The following WDR72 variants were observed in gnomAD, a reference collection of about 807,000 sequenced individuals.
The protein encoded by WDR72 is WD repeat-containing protein 72.
Under a neutral mutation model 124.2 loss-of-function variants are expected in WDR72, and 120 were observed. That is an observed-to-expected ratio of 0.97 (90% CI 0.83 to 1.12). WDR72 has a LOEUF of 1.12. Ranked by LOEUF, WDR72 falls within the 50% of genes most tolerant of loss-of-function variation. WDR72 has a pLI of 0.00. For synonymous variants in WDR72, 452 were observed against 441.7 expected (o/e 1.02, Z -0.29); for missense variants, 1,387 against 1,278.8 (o/e 1.08, Z -1.29).
In WDR72 at chr15:53,571,121, T is replaced by C. The variant is rs138195711; in HGVS notation, c.3148+25958A>G. 3.6e-4 allele frequency among the ~76,000 whole-genome samples: 55 copies of C among 151,946 alleles called. No individual in the cohort carries two copies. In the East Asian group the frequency reaches 9.3e-3, roughly 26 times the overall value. ...CACAGGGACACAAAAATGGAAACAA[T>C]AGACACTGGGGATTCCAAAATGGGT... On this transcript the variant is annotated intron_variant, in intron 18 of 19. Transcript: ENST00000360509.
At chr15:53,756,205 TCTC>T (rs1215028706) in intron 1 of WDR72, among the ~76,000 whole-genome samples, 1 of 152,128 alleles carries the variant, frequency 6.6e-6, no homozygotes, top group Non-Finnish European at 1.5e-5. Flanking sequence ...CCCATGCTGT[TCTC>T]GTGATAGTAA....
At chr15:53,759,370 C>G (rs183948148) in intron 1 of WDR72, 64 of 152,368 alleles carry the variant, frequency 4.2e-4, no homozygotes, top group African/African-American at 1.4e-3. Context: ...TTGTTCACTC[C>G]TGATGCCACA....
At chr15:53,672,852 G>A (rs1159150687) in intron 13 of WDR72, among the ~76,000 whole-genome samples, 1 of 152,070 alleles carries the variant, frequency 6.6e-6, no homozygotes, top group Non-Finnish European at 1.5e-5. Flanking sequence ...TATTTTGGCT[G>A]GGAGTGGTGG....
At chr15:53,727,537 C>T (rs751624157) in intron 2 of WDR72, among the ~76,000 whole-genome samples, 10 of 152,132 alleles carry the variant, frequency 6.6e-5, no homozygotes, top group Admixed American at 1.3e-4. Flanking sequence ...TTCAAGTTCG[C>T]GCTACCTTTT....
At chr15:53,652,601 T>C (rs554613781) in intron 14 of WDR72, among the ~76,000 whole-genome samples, 2 of 152,122 alleles carry the variant, frequency 1.3e-5, no homozygotes, top group Non-Finnish European at 2.9e-5. Context: ...GGGTTTTGTA[T>C]TGAGGGGAGG....
chr15:53,663,378 C>A (rs765949561), intron 14 of WDR72, among the ~76,000 whole-genome samples: 3 of 151,638 alleles, frequency 2.0e-5, no homozygotes, highest in Non-Finnish European at 4.4e-5. Flanking sequence ...AGGCAAGGGG[C>A]AAAAGCAAGA....
intron 1 of WDR72, among the ~76,000 whole-genome samples, chr15:53,747,470 G>T (rs779134798): frequency 6.6e-6 from 1 of 152,120 alleles, no homozygotes; most frequent in Non-Finnish European, 1.5e-5. Context: ...ATCTTAGCAG[G>T]TAAAGTCAAA....
intron 14 of WDR72, among the ~76,000 whole-genome samples, chr15:53,662,127 C>T (rs1025381388): frequency 3.3e-5 from 5 of 152,040 alleles, no homozygotes; most frequent in African/African-American, 1.2e-4. Context: ...TGCTAAATTC[C>T]TTCCATTGCA....
intron 18 of WDR72, among the ~76,000 whole-genome samples, chr15:53,560,210 T>C (rs540490985): frequency 6.6e-6 from 1 of 152,032 alleles, no homozygotes; most frequent in East Asian, 1.9e-4. Context: ...TCAAGGTCTT[T>C]CATGGTGCTC....
At chr15:53,582,413 G>A (rs1402695181) in intron 18 of WDR72, among the ~76,000 whole-genome samples, 2 of 151,826 alleles carry the variant, frequency 1.3e-5, no homozygotes, top group Non-Finnish European at 2.9e-5. Context: ...ATAATGTTTT[G>A]GAGAAGGCTG....
intron 18 of WDR72, among the ~76,000 whole-genome samples, chr15:53,575,185 C>G (rs1894706129): frequency 6.6e-6 from 1 of 151,940 alleles, no homozygotes; most frequent in Non-Finnish European, 1.5e-5. Context: ...ATGTTCCGAA[C>G]TCAACATAAG....
At chr15:53,564,180 T>C (rs1230902051) in intron 18 of WDR72, among the ~76,000 whole-genome samples, 2 of 151,840 alleles carry the variant, frequency 1.3e-5, no homozygotes, top group African/African-American at 4.8e-5. Flanking sequence ...AAGAATTTAA[T>C]AAACAAGGGG....
intron 14 of WDR72, among the ~76,000 whole-genome samples, chr15:53,626,591 A>C (rs1473330705): frequency 6.6e-6 from 1 of 152,176 alleles, no homozygotes; most frequent in Non-Finnish European, 1.5e-5. Flanking sequence ...AGAGGACCCA[A>C]AGGGGGTTGC....
intron 1 of WDR72, among the ~76,000 whole-genome samples, chr15:53,755,342 T>C (rs1038686665): frequency 1.3e-5 from 2 of 152,260 alleles, no homozygotes; most frequent in African/African-American, 4.8e-5. Context: ...TTATTAGGCA[T>C]CACATTCATT....
intron 10 of WDR72, among the ~76,000 whole-genome samples, 170 bp downstream of exon 10, chr15:53,705,757 C>T (rs927928328): frequency 6.6e-6 from 1 of 152,202 alleles, no homozygotes; most frequent in Admixed American, 6.5e-5. Flanking sequence ...GCCACTGTGC[C>T]CCGCCTAAGC....
chr15:53,727,635 T>G (rs908653547), intron 2 of WDR72, among the ~76,000 whole-genome samples: 1 of 152,144 alleles, frequency 6.6e-6, no homozygotes, highest in Non-Finnish European at 1.5e-5. Flanking sequence ...CCCTGTGCAT[T>G]TAATCCCTTT....
chr15:53,683,405 C>G (rs1159637032), intron 13 of WDR72, among the ~76,000 whole-genome samples: 1 of 152,110 alleles, frequency 6.6e-6, no homozygotes, highest in Non-Finnish European at 1.5e-5. Flanking sequence ...ATACCCTAAC[C>G]TGATCATTAC....
Position 53,565,767 on chromosome 15 carries a change from T to TAAA in WDR72, c.3148+31309_3148+31311dup, listed in dbSNP as rs5812691. 9.3e-5 allele frequency among the ~76,000 whole-genome samples: 14 copies of TAAA among 150,136 alleles called. No homozygotes were observed. In the East Asian group the frequency reaches 2.0e-3, roughly 21 times the overall value. ...TCAAACATGTGCACATACGTTGAAT[T>TAAA]AAAAAAAAAACAGAATTTTTGAGTC... On this transcript the variant is annotated intron_variant, in intron 18 of 19. Coordinates refer to ENST00000360509, the MANE Select transcript of WDR72 (RefSeq NM_182758.4).
At chr15:53,545,134 A>C (rs1320172811) in intron 18 of WDR72, among the ~76,000 whole-genome samples, 3 of 150,268 alleles carry the variant, frequency 2.0e-5, no homozygotes, top group African/African-American at 7.4e-5. Flanking sequence ...GCTACCAACG[A>C]CTTTCTTCAC....
Sources: allele counts gnomAD v4.1 joint callset (sites outside exome capture counted in the v4.1 genomes callset), GRCh38; gene constraint gnomAD v4.1.1; transcripts MANE v1.5; gene names NCBI Gene and HGNC (gene_info 2026-07-23, HGNC 2026-07-21).